USB1: variants seen among roughly 807,000 people sequenced by gnomAD.
The protein encoded by USB1 is U6 snRNA phosphodiesterase 1.
USB1 carries 21 observed loss-of-function variants against 29.9 expected under a neutral mutation model. The observed-to-expected ratio is 0.70, with a 90% CI of 0.50 to 1.01. The LOEUF (loss-of-function observed/expected upper bound fraction) is 1.01. Among genes scored for constraint, USB1 ranks in the 50% least tolerant of loss-of-function variants. The probability of loss-of-function intolerance (pLI) is 0.00; values close to 1 mark genes in which losing one functional copy is unlikely to be tolerated. For synonymous variants in USB1, 143 were observed against 134.9 expected (o/e 1.06, Z -0.42); for missense variants, 330 against 347.1 (o/e 0.95, Z 0.39).
At chr16:58,020,067 G>A (rs1963701787) in intron 6 of USB1, 74 bp from the exon 7 acceptor site, 1 of 1,467,860 alleles carries the variant, frequency 6.8e-7, no homozygotes, top group African/African-American at 1.4e-5. Flanking sequence ...TGGGTGAGCT[G>A]GTTTTGTTTG....
At chr16:58,015,128 G>A (rs1449273473) in intron 4 of USB1, 3 of 151,232 alleles carry the variant, frequency 2.0e-5, no homozygotes, top group Admixed American at 1.3e-4. Context: ...AATAATGACT[G>A]GAGGAGCATG....
chr16:58,020,668 CCTGT>C lies in USB1; in HGVS notation c.*426_*429del, dbSNP rs1487869289. The C allele has an allele frequency of 3.6e-6, 1 of 277,770 alleles. No homozygotes were observed. The highest frequency in any genetic ancestry group is 7.0e-6 in the Non-Finnish European group (1 of 143,108). The allele number at this position is 277,770 out of a possible 1,614,324, so 17.2% of individuals were successfully genotyped here. The stretch of plus-strand genomic sequence containing the variant: ...CTCTTCCTCTCCTCTCTCTTCCCTT[CCTGT>C]CTCTCTTCCCCTCCTCTCTCTCTTC... On this transcript the variant is annotated 3_prime_UTR_variant, in exon 7 of 7. Coordinates refer to ENST00000219281, the MANE Select transcript of USB1 (RefSeq NM_024598.4).
At position 58,009,189 on chromosome 16, in the gene USB1, G is replaced by C. The variant is rs573720671; in HGVS notation, c.266-740G>C. The stretch of plus-strand genomic sequence containing the variant: ...ATGAATGTGGTGGTGAGGTGGTGGG[G>C]GACAAGAATCCTTCTGTAGTCCTGT... On this transcript the variant is annotated intron_variant, in intron 2 of 6. Transcript: ENST00000219281. Among the ~76,000 whole-genome samples, 4 of 152,258 alleles carry C rather than the reference G, an allele frequency of 2.6e-5. 1 individual carries two copies. In the South Asian group the frequency reaches 8.3e-4, roughly 32 times the overall value.
chr16:58,004,620 G>A (rs907907938), intron 2 of USB1, among the ~76,000 whole-genome samples: 5 of 152,120 alleles, frequency 3.3e-5, no homozygotes, highest in African/African-American at 1.2e-4. Flanking sequence ...CTTAGAATCC[G>A]TTTGTCAGTA....
At chr16:58,004,772 G>A (rs1963312116) in intron 2 of USB1, among the ~76,000 whole-genome samples, 1 of 152,232 alleles carries the variant, frequency 6.6e-6, no homozygotes, top group East Asian at 1.9e-4. Flanking sequence ...CACTGGGTCG[G>A]TGGGTTTTCT....
chr16:58,012,254 T>C, intron 3 of USB1: 1 of 1,532,846 alleles, frequency 6.5e-7, no homozygotes, highest in Non-Finnish European at 8.7e-7. Context: ...AGTCCAGCCC[T>C]CCCCCTCTTT....
intron 4 of USB1, chr16:58,015,672 G>C (rs1189061230): frequency 6.6e-6 from 1 of 152,166 alleles, no homozygotes; most frequent in Non-Finnish European, 1.5e-5. Flanking sequence ...ATATGGTCAG[G>C]AGTGGGTAGT....
At chr16:58,017,782 T>G (rs1280942994) in intron 5 of USB1, among the ~76,000 whole-genome samples, 1 of 152,130 alleles carries the variant, frequency 6.6e-6, no homozygotes, top group Non-Finnish European at 1.5e-5. Flanking sequence ...CAGAGAGGAG[T>G]TGTAGCTTCA....
chr16:58,012,286 T>C (rs1963513605), intron 3 of USB1: 2 of 1,535,396 alleles, frequency 1.3e-6, no homozygotes, highest in African/African-American at 2.7e-5. Context: ...ATCAAGTTGA[T>C]TGATTGTATA....
rs1310822372 is a variant in USB1 at position 58,020,724 on chromosome 16, ATCTCTTCCTCTCCTCTC to A, written c.*502_*518del. 2.1e-3 allele frequency: 175 copies of A among 81,746 alleles called. 2 individuals are homozygous for A. The highest frequency in any genetic ancestry group is 8.4e-3 in the African/African-American group (126 of 15,058). The allele number at this position is 81,746 out of a possible 1,614,324, so 5.1% of individuals were successfully genotyped here. ...TGTCCTCTATCTCTTCCCCTCCTCT[ATCTCTTCCTCTCCTCTC>A]TCTCTTCCTCTCCTCTCTCTCTCTT... On this transcript the variant is annotated 3_prime_UTR_variant, in exon 7 of 7. Coordinates refer to ENST00000219281, the MANE Select transcript of USB1 (RefSeq NM_024598.4).
chr16:58,004,002 A>C (rs1167786597), intron 2 of USB1, among the ~76,000 whole-genome samples: 1 of 152,166 alleles, frequency 6.6e-6, no homozygotes, highest in Non-Finnish European at 1.5e-5. Flanking sequence ...CTTTGGTGTC[A>C]TATCTAAAAA....
intron 6 of USB1, 77 bp from the exon 7 acceptor site, chr16:58,020,064 G>A: frequency 7.0e-7 from 1 of 1,430,070 alleles, no homozygotes; most frequent in Non-Finnish European, 9.8e-7. Context: ...AGTTGGGTGA[G>A]CTGGTTTTGT....
rs1963705680 is a variant in USB1 at position 58,020,214 on chromosome 16, G to A, written c.767G>A (p.Gly256Glu). The A allele has an allele frequency of 6.2e-7, 1 of 1,613,998 alleles. No homozygotes were observed. The highest frequency in any genetic ancestry group is 1.1e-5 in the South Asian group (1 of 91,086). Residue 256 changes from glycine to glutamate, a missense_variant, in exon 7 of 7, where the codon GGG becomes GAG. Gly to Glu is a moderately conservative substitution (Grantham distance 98). Coordinates refer to ENST00000219281, the MANE Select transcript of USB1 (RefSeq NM_024598.4). The stretch of plus-strand genomic sequence containing the variant: ...ACTGAGCAAGTCCGCTGCAAGTCTG[G>A]GAACAAGTTCTTCTCGATGCCTTTG... ...VHTEQVRCKS[G>E]NKFFSMPLK
intron 2 of USB1, among the ~76,000 whole-genome samples, chr16:58,004,331 C>A (rs751571646): frequency 6.6e-6 from 1 of 152,180 alleles, no homozygotes; most frequent in Non-Finnish European, 1.5e-5. Context: ...CATTGGTGAA[C>A]TGTTTTGATT....
chr16:58,003,502 T>G (rs1269275935), intron 2 of USB1, among the ~76,000 whole-genome samples: 1 of 152,214 alleles, frequency 6.6e-6, no homozygotes, highest in African/African-American at 2.4e-5. Flanking sequence ...CATTCCTTGG[T>G]TTTTGCCCAA....
At chr16:58,019,945 T>C (rs1168342355) in intron 6 of USB1, among the ~76,000 whole-genome samples, 196 bp from the exon 7 acceptor site, 1 of 152,004 alleles carries the variant, frequency 6.6e-6, no homozygotes, top group East Asian at 1.9e-4. Flanking sequence ...TGTGTCCTCA[T>C]CTGTAAAGTT....
At chr16:58,011,087 T>G in intron 3 of USB1, 2 of 958,202 alleles carry the variant, frequency 2.1e-6, no homozygotes, top group Non-Finnish European at 3.2e-6. Context: ...TTCCAAAGGA[T>G]TTAGGAGCTC....
upstream of USB1, chr16:58,000,394 C>T (rs1253831719): frequency 6.7e-6 from 1 of 149,994 alleles, no homozygotes; most frequent in Non-Finnish European, 1.5e-5. This position sits in a 1 kb window ranked among gnomAD's most constrained non-coding sequence, Gnocchi z 4.5. Context: ...GGCGCCCCGC[C>T]GCTCACCTGC....
upstream of USB1, chr16:58,000,498 C>T (rs1963149528): frequency 6.7e-6 from 1 of 149,922 alleles, no homozygotes; most frequent in Non-Finnish European, 1.5e-5. The surrounding 1 kb of genome is among the most constrained non-coding windows in gnomAD (Gnocchi z 4.5). Flanking sequence ...GCGGCGCGGC[C>T]TACGCGCGCT....
Sources: gnomAD v4.1 joint callset for allele counts (sites outside exome capture counted in the v4.1 genomes callset) on GRCh38, gnomAD v4.1.1 for gene constraint, Gnocchi (gnomAD v3.1) non-coding constraint, MANE v1.5 for transcripts, NCBI Gene and HGNC (gene_info 2026-07-23, HGNC 2026-07-21) for gene names.